USP37: variants seen among roughly 807,000 people sequenced by gnomAD.
USP37 encodes the protein ubiquitin carboxyl-terminal hydrolase 37.
Under a neutral mutation model 124.0 loss-of-function variants are expected in USP37, and 27 were observed. The ratio of observed to expected loss-of-function variants is 0.22; its 90% CI spans 0.16 to 0.30. The LOEUF (loss-of-function observed/expected upper bound fraction) is 0.30, where lower values mean the gene tolerates loss of function less well. Among genes scored for constraint, USP37 ranks in the 10% least tolerant of loss-of-function variants. The pLI is 1.00. For synonymous variants in USP37, 365 were observed against 388.0 expected (o/e 0.94, Z 0.70); for missense variants, 889 against 1,140.4 (o/e 0.78, Z 3.17).
chr2:218,528,028 C>T (rs530981801), intron 10 of USP37, among the ~76,000 whole-genome samples: 1 of 152,072 alleles, frequency 6.6e-6, no homozygotes, highest in East Asian at 1.9e-4. Flanking sequence ...CAGTGAAACC[C>T]CGTCTCCACT....
rs756463349 is a variant in USP37 at position 218,495,752 on chromosome 2, C to A, written c.1472+8G>T. 1 of 1,601,130 alleles carries A rather than the reference C, an allele frequency of 6.2e-7. No individual in the cohort carries two copies. Among genetic ancestry groups the A allele is most frequent in the Admixed American group, 1.8e-5 (1 of 56,660 alleles). On this transcript the variant is annotated splice_region_variant and intron_variant, in intron 14 of 25. Transcript: ENST00000258399. Reference sequence around the variant, plus strand: ...AAAAAGGGAAATCATTTCTTAGACACTACTTACGCTTTACAAATGATGGAG... The same window carrying A: ...AAAAAGGGAAATCATTTCTTAGACAATACTTACGCTTTACAAATGATGGAG...
intron 10 of USP37, among the ~76,000 whole-genome samples, chr2:218,526,583 T>C (rs1032059785): frequency 6.6e-6 from 1 of 152,124 alleles, no homozygotes; most frequent in African/African-American, 2.4e-5. Context: ...AGCATCTTTT[T>C]TGACAAAATG....
At chr2:218,562,875 G>C (rs1693380489) in intron 1 of USP37, 62 bp from the exon 2 acceptor site, 2 of 393,820 alleles carry the variant, frequency 5.1e-6, no homozygotes, top group African/African-American at 2.1e-5. Flanking sequence ...ATACTTAAAA[G>C]AAAGTGGGCT....
chr2:218,511,221 C>T (rs1449201473), intron 10 of USP37, among the ~76,000 whole-genome samples: 1 of 151,932 alleles, frequency 6.6e-6, no homozygotes, highest in South Asian at 2.1e-4. Context: ...CTCACTGCAA[C>T]CTCCACCTCC....
intron 19 of USP37, among the ~76,000 whole-genome samples, chr2:218,475,900 T>C (rs972260520): frequency 1.2e-4 from 18 of 149,500 alleles, no homozygotes; most frequent in Non-Finnish European, 2.2e-4. Context: ...CACTCCAGCC[T>C]GGGCAACAGA....
At chr2:218,564,097 C>T (rs1369572702) in intron 1 of USP37, among the ~76,000 whole-genome samples, 1 of 152,024 alleles carries the variant, frequency 6.6e-6, no homozygotes, top group African/African-American at 2.4e-5. Flanking sequence ...AAGAAGCTCC[C>T]AGACTTCCCT....
chr2:218,460,479 G>A (rs1323430507), intron 22 of USP37, among the ~76,000 whole-genome samples: 2 of 151,896 alleles, frequency 1.3e-5, no homozygotes, highest in Non-Finnish European at 2.9e-5. Context: ...ACCCTTATAA[G>A]AAAGATATAA....
intron 4 of USP37, among the ~76,000 whole-genome samples, chr2:218,554,470 G>C (rs1053040139): frequency 6.6e-6 from 1 of 152,186 alleles, no homozygotes; most frequent in African/African-American, 2.4e-5. Flanking sequence ...TAGAAAGCCA[G>C]GTGCCATGGC....
intron 11 of USP37, among the ~76,000 whole-genome samples, chr2:218,500,346 A>G (rs568376341): frequency 6.6e-6 from 1 of 152,158 alleles, no homozygotes; most frequent in South Asian, 2.1e-4. Flanking sequence ...AGCAACTTCC[A>G]TCTCCCAGGT....
At chr2:218,463,044 C>T (rs1024188445) in intron 22 of USP37, among the ~76,000 whole-genome samples, 2 of 151,766 alleles carry the variant, frequency 1.3e-5, no homozygotes, top group African/African-American at 2.4e-5. Context: ...GGCACAACCG[C>T]TAATTCCAGC....
chr2:218,561,748 T>C, intron 2 of USP37, among the ~76,000 whole-genome samples: 1 of 152,148 alleles, frequency 6.6e-6, no homozygotes, highest in East Asian at 1.9e-4. Flanking sequence ...TTTATATCAT[T>C]CAATAGCTCT....
At chr2:218,459,964 C>T in intron 22 of USP37, 59 bp from the exon 23 acceptor site, 1 of 1,345,826 alleles carries the variant, frequency 7.4e-7, no homozygotes, top group Non-Finnish European at 1.0e-6. Context: ...GACGTGGTGG[C>T]TCACACCTGT....
rs558380557 is a variant in USP37, at chr2:218,562,845, G to C, written c.-229-32C>G. 1.5e-5 allele frequency: 6 copies of C among 397,828 alleles called. No homozygotes were observed. In the East Asian group the frequency reaches 2.1e-4, roughly 14 times the overall value. The allele number at this position is 397,828 out of a possible 1,614,324, so 24.6% of individuals were successfully genotyped here. On this transcript the variant is annotated intron_variant, in intron 1 of 25. Coordinates refer to ENST00000258399, the MANE Select transcript of USP37 (RefSeq NM_020935.3). ...AAAATAAAAATGTGCTTTTTAAAAA[G>C]AACCCAATATACAAAATTAATACTT...
intron 11 of USP37, among the ~76,000 whole-genome samples, chr2:218,499,102 G>A (rs1208818301): frequency 1.3e-5 from 2 of 152,084 alleles, no homozygotes; most frequent in African/African-American, 4.8e-5. Context: ...GTGAAACCCT[G>A]TCTCTACTAA....
intron 8 of USP37, among the ~76,000 whole-genome samples, chr2:218,542,743 T>G (rs982031459): frequency 1.3e-5 from 2 of 152,206 alleles, no homozygotes; most frequent in Non-Finnish European, 2.9e-5. Context: ...AAATCATTCC[T>G]GAAAACTTAA....
chr2:218,549,857 C>T lies in USP37; in HGVS notation c.381G>A (p.Arg127=), dbSNP rs998901676. The T allele has an allele frequency of 1.9e-5, 30 of 1,613,210 alleles. No homozygotes were observed. In the Admixed American group the frequency reaches 4.2e-4, roughly 22 times the overall value. The change falls in exon 6 of 26, where the codon AGG becomes AGA. Residue 127 remains arginine, a synonymous_variant. Coordinates refer to ENST00000258399, the MANE Select transcript of USP37 (RefSeq NM_020935.3). ...SGSFGAILGS[R]TSQKETSRQL... is the part of the protein sequence containing the mutation. Reference sequence around the variant, plus strand: ...GCCTGCTGGTTTCCTTCTGTGAGGTCCTGCTGCCCAGAATGGCTCCAAAAC... The same window carrying T: ...GCCTGCTGGTTTCCTTCTGTGAGGTTCTGCTGCCCAGAATGGCTCCAAAAC...
intron 10 of USP37, among the ~76,000 whole-genome samples, chr2:218,521,728 T>C (rs1690632600): frequency 6.6e-6 from 1 of 152,238 alleles, no homozygotes; most frequent in East Asian, 1.9e-4. Flanking sequence ...CTAAAAAGTC[T>C]GGATCCTACA....
At chr2:218,463,641 T>A (rs1690151669) in intron 21 of USP37, among the ~76,000 whole-genome samples, 1 of 148,996 alleles carries the variant, frequency 6.7e-6, no homozygotes, top group African/African-American at 2.5e-5. Flanking sequence ...GTTCACGCCA[T>A]TCTCCCGCCT....
At position 218,495,927 on chromosome 2, in the gene USP37, C is replaced by CT; in HGVS notation, c.1304dup (p.Cys436ValfsTer14). Reference sequence around the variant, plus strand: ...TATCTTCTTTCAGCTGGTCCAAACACTGACTTAAAAATTCATGAGCATCCT... The same window carrying CT: ...TATCTTCTTTCAGCTGGTCCAAACACTTGACTTAAAAATTCATGAGCATCCT... On this transcript the variant is annotated frameshift_variant, in exon 14 of 26. Transcript: ENST00000258399. LOFTEE classifies it high-confidence loss of function. 6.2e-7 allele frequency: 1 copy of CT among 1,610,434 alleles called. No individual in the cohort carries two copies. Among genetic ancestry groups the CT allele is most frequent in the Non-Finnish European group, 8.5e-7 (1 of 1,179,230 alleles).
Sources: gnomAD v4.1 joint callset for allele counts (sites outside exome capture counted in the v4.1 genomes callset) on GRCh38, gnomAD v4.1.1 for gene constraint, MANE v1.5 for transcripts, NCBI Gene and HGNC (gene_info 2026-07-23, HGNC 2026-07-21) for gene names.